CPOX: variants seen among roughly 807,000 people sequenced by gnomAD.
CPOX encodes the protein coproporphyrinogen oxidase.
A neutral mutation model predicts 48.9 loss-of-function variants in CPOX; 24 were observed. That is an observed-to-expected ratio of 0.49 (90% CI 0.36 to 0.69). The LOEUF is 0.69. Among genes scored for constraint, CPOX ranks in the 30% least tolerant of loss-of-function variants. The pLI, the probability that CPOX is intolerant of heterozygous loss-of-function variation, is 0.00. For missense variants in CPOX, 549 were observed against 597.3 expected (o/e 0.92, Z 0.84); for synonymous variants, 249 against 234.6 (o/e 1.06, Z -0.56).
intron 1 of CPOX, 138 bp downstream of exon 1, chr3:98,592,811 C>CTAGA: frequency 1.1e-6 from 1 of 915,068 alleles, no homozygotes; most frequent in South Asian, 1.5e-5. Flanking sequence ...TATCAGCGGC[C>CTAGA]TCTAACCAAG....
At position 98,593,611 on chromosome 3, in the gene CPOX, G is replaced by T; in HGVS notation, c.-107C>A. On this transcript the variant is annotated 5_prime_UTR_variant, in exon 1 of 7. Coordinates refer to ENST00000647941, the MANE Select transcript of CPOX (RefSeq NM_000097.7). ...AGCCGGCGAGCTGCACAGGCGGAAA[G>T]AACCTTTCGAGAAGAGCCGCTGCAG... 1 of 1,222,586 alleles carries T rather than the reference G, an allele frequency of 8.2e-7. No homozygotes were observed. Among genetic ancestry groups the T allele is most frequent in the African/African-American group, 1.6e-5 (1 of 63,132 alleles). 75.7% of individuals were successfully genotyped at this position (1,222,586 alleles called of 1,614,324 possible). A position where few individuals can be genotyped will look rare whatever the true frequency, so the allele number is the denominator to read the frequency against.
intron 5 of CPOX, 35 bp downstream of exon 5, chr3:98,585,406 T>C: frequency 1.3e-6 from 2 of 1,563,538 alleles, no homozygotes; most frequent in Non-Finnish European, 8.8e-7. Context: ...CCTCCCCCAC[T>C]TAGCCATGAA....
chr3:98,580,697 C>T lies in CPOX; in HGVS notation c.1351G>A (p.Asp451Asn). Reference protein sequence around the residue: ...EILEVLRHPRDWVR With the variant: ...EILEVLRHPRNWVR ...TTCTGCCTGCATCAACGCACCCAGT[C>T]CCTTGGATGGCGTAGAACTTCCAGA... The change falls in exon 7 of 7, where the codon GAC (aspartate) becomes AAC (asparagine). Residue 451 changes from aspartate (D) to asparagine (N), a missense_variant. Coordinates refer to ENST00000647941, the MANE Select transcript of CPOX (RefSeq NM_000097.7). 1.2e-6 allele frequency: 2 copies of T among 1,614,210 alleles called. No individual in the cohort carries two copies. The highest frequency in any genetic ancestry group is 8.5e-7 in the Non-Finnish European group (1 of 1,180,026).
chr3:98,577,618 A>C (rs561066657), downstream of CPOX, among the ~76,000 whole-genome samples: 1 of 152,290 alleles, frequency 6.6e-6, no homozygotes, highest in South Asian at 2.1e-4. Context: ...CGAATCTGGA[A>C]CTGTCCTTAA....
intron 1 of CPOX, among the ~76,000 whole-genome samples, chr3:98,591,411 C>A (rs1241036530): frequency 6.6e-6 from 1 of 152,184 alleles, no homozygotes; most frequent in Non-Finnish European, 1.5e-5. Context: ...TAAAATAAAT[C>A]ACTGGAATAT....
rs750156215 is a variant in CPOX, at chr3:98,591,158, G to A, written c.557-3C>T. ...TACACAGCTGATGCCGCCACCTCCTGTGTATAGAAATGTAAAAAAGGAGAG... is the reference window on the plus strand; with the variant it reads ...TACACAGCTGATGCCGCCACCTCCTATGTATAGAAATGTAAAAAAGGAGAG... On this transcript the variant is annotated splice_region_variant and splice_polypyrimidine_tract_variant and intron_variant, in intron 1 of 6. Transcript: ENST00000647941. The A allele has an allele frequency of 5.6e-5, 90 of 1,613,998 alleles. No individual in the cohort carries two copies. The highest frequency in any genetic ancestry group is 6.0e-5 in the Non-Finnish European group (71 of 1,180,006).
At chr3:98,590,063 T>G (rs2107129012) in intron 3 of CPOX, among the ~76,000 whole-genome samples, 1 of 152,392 alleles carries the variant, frequency 6.6e-6, no homozygotes, top group South Asian at 2.1e-4. Flanking sequence ...GAACTCTGGG[T>G]GCACACTAAA....
At chr3:98,592,883 G>T in intron 1 of CPOX, 66 bp downstream of exon 1, 1 of 1,520,956 alleles carries the variant, frequency 6.6e-7, no homozygotes, top group Non-Finnish European at 9.0e-7. Flanking sequence ...TATATTTTCT[G>T]TCTGCAACCT....
intron 4 of CPOX, 48 bp from the exon 5 acceptor site, chr3:98,585,707 G>T: frequency 6.9e-7 from 1 of 1,452,604 alleles, no homozygotes; most frequent in South Asian, 1.1e-5. Flanking sequence ...GAAAAAAACA[G>T]ACATGAAAAT....
Position 98,585,499 on chromosome 3 carries a change from G to A in CPOX, c.1114C>T (p.His372Tyr), listed in dbSNP as rs1298021587. ...VPSYIPLVKK[H>Y]CDDSFTPQEK... Reference sequence around the variant, plus strand: ...TGGGGGGTGAATGAGTCATCACAGTGCTTTTTCACAAGGGGAATGTAAGAA... The same window carrying A: ...TGGGGGGTGAATGAGTCATCACAGTACTTTTTCACAAGGGGAATGTAAGAA... Residue 372 changes from histidine (H) to tyrosine (Y), a missense_variant, in exon 5 of 7, where the codon CAC becomes TAC. His to Tyr is a moderately conservative substitution (Grantham distance 83). Around this residue, in one of 2 missense-constraint regions of CPOX, gnomAD observed 213 missense variants for 279.1 expected, o/e 0.76. Transcript: ENST00000647941. The A allele has an allele frequency of 1.2e-6, 2 of 1,613,978 alleles. No homozygotes were observed. The highest frequency in any genetic ancestry group is 1.7e-6 in the Non-Finnish European group (2 of 1,180,034).
the CPOX span, among the ~76,000 whole-genome samples, chr3:98,572,584 A>G: frequency 1.3e-5 from 2 of 152,168 alleles, no homozygotes; most frequent in Admixed American, 6.5e-5. Context: ...TTTGTAGTTT[A>G]AAGTCTCTCA....
At chr3:98,592,776 AG>A (rs1322373588) in intron 1 of CPOX, among the ~76,000 whole-genome samples, 172 bp downstream of exon 1, 1 of 152,158 alleles carries the variant, frequency 6.6e-6, no homozygotes, top group African/African-American at 2.4e-5. Context: ...GCAGAGGGCT[AG>A]TGACCCTTTC....
chr3:98,578,802 G>A (rs1707198515), downstream of CPOX, among the ~76,000 whole-genome samples: 3 of 152,094 alleles, frequency 2.0e-5, no homozygotes, highest in Admixed American at 1.3e-4. Context: ...TTTAATATAC[G>A]CATATATCAC....
At position 98,579,608 on chromosome 3, in the gene CPOX, G is replaced by A. The variant is rs897527256; in HGVS notation, c.*1075C>T. ...TGCTCTTCCTTATAAACTTTATTACGAAGCAAATAAAATAATACATTCATA... is the reference window on the plus strand; with the variant it reads ...TGCTCTTCCTTATAAACTTTATTACAAAGCAAATAAAATAATACATTCATA... On this transcript the variant is annotated 3_prime_UTR_variant, in exon 7 of 7. Coordinates refer to ENST00000647941, the MANE Select transcript of CPOX (RefSeq NM_000097.7). 17 of 983,818 alleles carry A rather than the reference G, an allele frequency of 1.7e-5. No homozygotes were observed. The highest frequency in any genetic ancestry group is 1.1e-4 in the East Asian group (1 of 8,816). 60.9% of individuals were successfully genotyped at this position (983,818 alleles called of 1,614,324 possible). A position where few individuals can be genotyped will look rare whatever the true frequency, so the allele number is the denominator to read the frequency against.
chr3:98,592,895 G>A, intron 1 of CPOX, 54 bp downstream of exon 1: 1 of 1,558,302 alleles, frequency 6.4e-7, no homozygotes, highest in Non-Finnish European at 8.7e-7. Flanking sequence ...CTGCAACCTG[G>A]AACCTGACCC....
chr3:98,591,519 G>A (rs1394917260), intron 1 of CPOX, among the ~76,000 whole-genome samples: 2 of 152,150 alleles, frequency 1.3e-5, no homozygotes, highest in African/African-American at 2.4e-5. Context: ...CTTGAAGGGT[G>A]TTCTATTATT....
intron 3 of CPOX, among the ~76,000 whole-genome samples, chr3:98,590,315 G>A (rs1707454516): frequency 6.6e-6 from 1 of 152,186 alleles, no homozygotes; most frequent in African/African-American, 2.4e-5. Context: ...GCCCAGCTAA[G>A]TTTTTGTATT....
downstream of CPOX, among the ~76,000 whole-genome samples, chr3:98,575,623 C>A: frequency 6.7e-6 from 1 of 150,322 alleles, no homozygotes; most frequent in African/African-American, 2.5e-5. Flanking sequence ...GAAACCTTGT[C>A]TCTACTAAAA....
At chr3:98,578,369 G>A, downstream of CPOX, 1 of 254,346 alleles carries the variant, frequency 3.9e-6, no homozygotes, top group Non-Finnish European at 6.2e-6. Context: ...TCATCACTAT[G>A]TAGTGATTTT....
Sources: gnomAD v4.1 joint callset for allele counts (sites outside exome capture counted in the v4.1 genomes callset) on GRCh38, gnomAD v4.1.1 for gene constraint, gnomAD v4.1.1 regional missense constraint, MANE v1.5 for transcripts, NCBI Gene and HGNC (gene_info 2026-07-23, HGNC 2026-07-21) for gene names.